The following DOCK11 variants were observed in gnomAD, a reference collection of about 807,000 sequenced individuals.
DOCK11 encodes dedicator of cytokinesis 11.
A neutral mutation model predicts 169.1 loss-of-function variants in DOCK11; 70 were observed. That is an observed-to-expected ratio of 0.41 (90% CI 0.34 to 0.51). The LOEUF is 0.51. Ranked by LOEUF, DOCK11 falls within the 20% of genes least tolerant of loss-of-function variation. The probability of loss-of-function intolerance (pLI) is 0.10; values close to 1 mark genes in which losing one functional copy is unlikely to be tolerated. For missense variants in DOCK11, 1,166 were observed against 1,538.8 expected, an observed-to-expected ratio of 0.76 and a Z score of 4.05; for synonymous variants, 529 against 541.3, an observed-to-expected ratio of 0.98 and a Z score of 0.32.
chrX:118,626,236 T>A (rs1310077221), intron 32 of DOCK11, among the ~76,000 whole-genome samples: 3 of 73,875 alleles, frequency 4.1e-5, no homozygotes, highest in Non-Finnish European at 5.5e-5. Flanking sequence ...CGGCTAATTT[T>A]TTTTGTACTT....
chrX:118,663,710 A>G (rs999173842), intron 45 of DOCK11, among the ~76,000 whole-genome samples: 20 of 80,541 alleles, frequency 2.5e-4, no homozygotes, highest in Non-Finnish European at 4.0e-4. Context: ...GAGTCTCGCT[A>G]TGTCGCCAGG....
chrX:118,683,214 G>A lies in DOCK11; in HGVS notation c.6099G>A (p.Glu2033=), dbSNP rs752503744. 2.6e-5 allele frequency: 31 copies of A among 1,207,777 alleles called. No homozygotes were observed. Among genetic ancestry groups the A allele is most frequent in the Non-Finnish European group, 3.5e-5 (31 of 894,375 alleles). ...MVKELSDIIH[E]QILQEDTMHS... ...AAGAATTATCTGACATTATCCATGA[G>A]CAGGCAAGTATTAGGGTGACTAAAA... Residue 2033 remains glutamate, a synonymous_variant, in exon 52 of 53, where the codon GAG becomes GAA. Coordinates refer to ENST00000276202, the MANE Select transcript of DOCK11 (RefSeq NM_144658.4).
intron 31 of DOCK11, among the ~76,000 whole-genome samples, chrX:118,622,805 G>A (rs2015008373): frequency 8.9e-6 from 1 of 111,935 alleles, no homozygotes; most frequent in African/African-American, 3.3e-5. Flanking sequence ...TCAGCCACTA[G>A]CTATACTGCC....
chrX:118,526,823 C>G (rs2011387331), intron 1 of DOCK11, among the ~76,000 whole-genome samples: 1 of 112,636 alleles, frequency 8.9e-6, no homozygotes. Flanking sequence ...ATGAAAATTA[C>G]ATTGGAAGGA....
Position 118,542,740 on chromosome X carries a change from G to T in DOCK11, c.118G>T (p.Val40Phe), listed in dbSNP as rs140943491. The T allele has an allele frequency of 5.0e-6, 6 of 1,206,189 alleles. No homozygotes were observed. The highest frequency in any genetic ancestry group is 2.2e-5 in the Admixed American group (1 of 45,403). The change falls in exon 2 of 53, where the codon GTT (valine) becomes TTT (phenylalanine). Residue 40 changes from valine to phenylalanine, a missense_variant. Physicochemically the swap from Val to Phe is conservative, Grantham distance 50 (BLOSUM62 -1). Transcript: ENST00000276202. ...GSVVLEKAKV[V>F]EPLDYENVIA... ...TCTTATAAAGGAAAAGGCCAAAGTT[G>T]TTGAGCCCCTGGACTATGAGAATGT...
intron 6 of DOCK11, among the ~76,000 whole-genome samples, chrX:118,552,374 G>T (rs1342759700): frequency 2.7e-5 from 3 of 111,809 alleles, no homozygotes; most frequent in Non-Finnish European, 1.9e-5. Flanking sequence ...TCAAGTCGAT[G>T]GGCTGTAGGG....
chrX:118,606,387 G>T (rs1329678453), intron 24 of DOCK11, among the ~76,000 whole-genome samples: 1 of 112,458 alleles, frequency 8.9e-6, no homozygotes, highest in Non-Finnish European at 1.9e-5. Context: ...TTTTAATTGT[G>T]TGTAATTTTA....
intron 51 of DOCK11, 150 bp downstream of exon 51, chrX:118,681,944 C>A: frequency 2.6e-6 from 1 of 377,482 alleles, no homozygotes; most frequent in Non-Finnish European, 4.6e-6. Context: ...CTCCTAATGG[C>A]ACTTTGAGCA....
chrX:118,518,806 A>C (rs184556940), intron 1 of DOCK11, among the ~76,000 whole-genome samples: 1 of 111,631 alleles, frequency 9.0e-6, no homozygotes, highest in Non-Finnish European at 1.9e-5. Flanking sequence ...AGGGTCATCA[A>C]TTGTAACAAA....
intron 6 of DOCK11, among the ~76,000 whole-genome samples, chrX:118,560,684 C>A (rs1297686037): frequency 8.9e-6 from 1 of 112,064 alleles, no homozygotes; most frequent in Admixed American, 9.5e-5. Flanking sequence ...AGAGGGACAG[C>A]ATGAACTCAT....
chrX:118,627,819 GTTTC>G (rs1017672494), intron 33 of DOCK11, among the ~76,000 whole-genome samples: 2 of 111,729 alleles, frequency 1.8e-5, no homozygotes, highest in Non-Finnish European at 3.8e-5. Flanking sequence ...AAAAATACTG[GTTTC>G]CACTCTTCTT....
intron 6 of DOCK11, among the ~76,000 whole-genome samples, chrX:118,559,188 G>C (rs907078418): frequency 6.3e-5 from 7 of 111,722 alleles, no homozygotes; most frequent in African/African-American, 2.3e-4. Flanking sequence ...GGCTGCCACA[G>C]AATTTCTTTG....
At chrX:118,632,322 A>G (rs1284266680) in intron 35 of DOCK11, 1 of 112,053 alleles carries the variant, frequency 8.9e-6, no homozygotes. Flanking sequence ...ATGCTTGCTC[A>G]GTGGCAGTAC....
At chrX:118,564,206 T>C (rs2013002413) in intron 7 of DOCK11, among the ~76,000 whole-genome samples, 1 of 112,521 alleles carries the variant, frequency 8.9e-6, no homozygotes. Context: ...ATTACAGGCG[T>C]GAGCCGCCAT....
chrX:118,538,717 G>A, intron 1 of DOCK11: 3 of 735,661 alleles, frequency 4.1e-6, no homozygotes, highest in African/African-American at 2.3e-5. Flanking sequence ...ATTGTAACGG[G>A]TTTTTGGAGT....
intron 46 of DOCK11, 137 bp downstream of exon 46, chrX:118,671,282 C>A: frequency 3.9e-6 from 2 of 512,000 alleles, no homozygotes; most frequent in Non-Finnish European, 5.8e-6. Context: ...ATGACTTTTG[C>A]ATTTTATCAT....
intron 6 of DOCK11, 123 bp downstream of exon 6, chrX:118,546,239 AT>A (rs1470312775): frequency 5.3e-6 from 2 of 374,262 alleles, no homozygotes; most frequent in African/African-American, 2.7e-5. Context: ...AAAGGAGAGG[AT>A]TCTCACAGAC....
intron 16 of DOCK11, among the ~76,000 whole-genome samples, chrX:118,587,664 G>T (rs1007538013): frequency 2.7e-5 from 3 of 111,731 alleles, no homozygotes; most frequent in Non-Finnish European, 5.6e-5. Context: ...AGATCAAAAG[G>T]CCTCCATTAT....
intron 35 of DOCK11, among the ~76,000 whole-genome samples, chrX:118,634,416 G>A (rs2015331528): frequency 8.9e-6 from 1 of 112,672 alleles, no homozygotes; most frequent in Non-Finnish European, 1.9e-5. Context: ...TTCGCTGTGA[G>A]GGCGAGCACT....
Sources: gnomAD v4.1 joint callset for allele counts (sites outside exome capture counted in the v4.1 genomes callset) on GRCh38, gnomAD v4.1.1 for gene constraint, MANE v1.5 for transcripts, NCBI Gene and HGNC (gene_info 2026-07-23, HGNC 2026-07-21) for gene names.